Variants in COL7A1 observed in about 807,000 individuals in gnomAD.
COL7A1 encodes collagen type VII alpha 1 chain.
A neutral mutation model predicts 456.2 loss-of-function variants in COL7A1; 296 were observed. That is an observed-to-expected ratio of 0.65 (90% CI 0.59 to 0.71). The LOEUF (loss-of-function observed/expected upper bound fraction) is 0.71. COL7A1 is among the 30% of genes least tolerant of loss of function. The probability of loss-of-function intolerance (pLI) is 0.00; values close to 1 mark genes in which losing one functional copy is unlikely to be tolerated. For synonymous variants in COL7A1, 1,464 were observed against 1,525.9 expected, an observed-to-expected ratio of 0.96 and a Z score of 0.95; for missense variants, 3,441 against 4,017.2, an observed-to-expected ratio of 0.86 and a Z score of 3.88.
chr3:48,584,443 C>A, intron 36 of COL7A1, 42 bp downstream of exon 36: 1 of 1,613,312 alleles, frequency 6.2e-7, no homozygotes, highest in East Asian at 2.2e-5. Flanking sequence ...CGTGTTGGTC[C>A]CCCCACTACA....
Position 48,592,730 on chromosome 3 carries a change from C to T in COL7A1, c.847-31G>A. The stretch of plus-strand genomic sequence containing the variant: ...CAGGGCAAGAGGTCACTTTATCTTG[C>T]CCAGCCAAGTCCCCAGCCACCACCT... On this transcript the variant is annotated intron_variant, in intron 7 of 118. Coordinates refer to ENST00000681320, the MANE Select transcript of COL7A1 (RefSeq NM_000094.4). The surrounding 1 kb of genome is among the most constrained non-coding windows in gnomAD (Gnocchi z 7.6). 1.9e-6 allele frequency: 3 copies of T among 1,613,272 alleles called. No homozygotes were observed. Among genetic ancestry groups the T allele is most frequent in the Non-Finnish European group, 2.5e-6 (3 of 1,180,044 alleles).
Position 48,593,610 on chromosome 3 carries a change from C to A in COL7A1, c.353G>T (p.Arg118Leu). The A allele has an allele frequency of 3.1e-6, 5 of 1,614,170 alleles. No homozygotes were observed. Among genetic ancestry groups the A allele is most frequent in the Non-Finnish European group, 3.4e-6 (4 of 1,180,016 alleles). The change falls in exon 4 of 119, where the codon CGC (arginine) becomes CTC (leucine). Residue 118 changes from arginine to leucine, a missense_variant. By Grantham distance (102) the Arg-to-Leu change is moderately radical (BLOSUM62 -2). Around this residue, in one of 3 missense-constraint regions of COL7A1, gnomAD observed 913 missense variants for 1,088.2 expected, o/e 0.84. Transcript: ENST00000681320. The surrounding 1 kb of genome is among the most constrained non-coding windows in gnomAD (Gnocchi z 4.4). ...RELSYKGGNT[R>L]TGAAILHVAD... Reference sequence around the variant, plus strand: ...CACATGGAGAATTGCAGCCCCTGTGCGAGTGTTGCCCCCCTTGTAGCTAAG... The same window carrying A: ...CACATGGAGAATTGCAGCCCCTGTGAGAGTGTTGCCCCCCTTGTAGCTAAG...
rs780155029 is a variant in COL7A1, at chr3:48,572,344, C to T, written c.6978+36G>A. The T allele has an allele frequency of 6.2e-7, 1 of 1,614,106 alleles. No homozygotes were observed. Among genetic ancestry groups the T allele is most frequent in the Admixed American group, 1.7e-5 (1 of 60,016 alleles). ...AGTTAGGCCACTGGAGAGACAGGAC[C>T]CCCAGAACATCTGCTGTCAGAAGTT... is the stretch of plus-strand genomic sequence containing the variant. On this transcript the variant is annotated intron_variant, in intron 90 of 118. Coordinates refer to ENST00000681320, the MANE Select transcript of COL7A1 (RefSeq NM_000094.4). The surrounding 1 kb of genome is among the most constrained non-coding windows in gnomAD (Gnocchi z 4.6).
Position 48,585,181 on chromosome 3 carries a change from G to C in COL7A1, c.3895-65C>G. 1 of 1,531,526 alleles carries C rather than the reference G, an allele frequency of 6.5e-7. No individual in the cohort carries two copies. The highest frequency in any genetic ancestry group is 1.1e-5 in the South Asian group (1 of 87,440). 94.9% of individuals were successfully genotyped at this position (1,531,526 alleles called of 1,614,324 possible). A position where few individuals can be genotyped will look rare whatever the true frequency, so the allele number is the denominator to read the frequency against. ...CCCAAGGCCCCTGGTTTGCTGGAGGGGCCTCACCCCATCAACAAGGGGTCG... is the reference window on the plus strand; with the variant it reads ...CCCAAGGCCCCTGGTTTGCTGGAGGCGCCTCACCCCATCAACAAGGGGTCG... On this transcript the variant is annotated intron_variant, in intron 32 of 118. Transcript: ENST00000681320. The surrounding 1 kb of genome is among the most constrained non-coding windows in gnomAD (Gnocchi z 4.5).
chr3:48,592,949 G>C lies in COL7A1; in HGVS notation c.683-11C>G. ...AGGTCGAGTCATCCGCTGGGAATGC[G>C]GGATCAGGGGATCAGGCAGGAGGAT... On this transcript the variant is annotated splice_polypyrimidine_tract_variant and intron_variant, in intron 6 of 118. Coordinates refer to ENST00000681320, the MANE Select transcript of COL7A1 (RefSeq NM_000094.4). The surrounding 1 kb of genome is among the most constrained non-coding windows in gnomAD (Gnocchi z 7.6). 6.2e-7 allele frequency: 1 copy of C among 1,613,292 alleles called. No individual in the cohort carries two copies. The highest frequency in any genetic ancestry group is 8.5e-7 in the Non-Finnish European group (1 of 1,179,882).
chr3:48,573,372 T>G lies in COL7A1; in HGVS notation c.6619-24A>C. On this transcript the variant is annotated intron_variant, in intron 83 of 118. Coordinates refer to ENST00000681320, the MANE Select transcript of COL7A1 (RefSeq NM_000094.4). The surrounding 1 kb of genome is among the most constrained non-coding windows in gnomAD (Gnocchi z 5.5). ...CCCTGCAAACAACCCAGAGACTGCA[T>G]GAGCAGAGCCCACGTGGCCAGGGCT... 4 of 1,613,994 alleles carry G rather than the reference T, an allele frequency of 2.5e-6. No individual in the cohort carries two copies. The highest frequency in any genetic ancestry group is 2.7e-5 in the African/African-American group (2 of 75,022).
In COL7A1 at chr3:48,579,804, C is replaced by G; in HGVS notation, c.5135G>C (p.Gly1712Ala). ...PGPPGRLVDT[G>A]PGAREKGEPG... is the part of the protein sequence containing the mutation. ...TAATACCTTCTCTCTGGCTCCAGGT[C>G]CTGTGTCTACCTGTGGGGGGAATGA... Residue 1712 changes from glycine (G) to alanine (A), a missense_variant, in exon 58 of 119, where the codon GGA becomes GCA. Physicochemically the swap from Gly to Ala is moderately conservative, Grantham distance 60 (BLOSUM62 0). This residue lies in a region of COL7A1 where 2,084 missense variants were observed against 2,501.3 expected (regional missense o/e 0.83). Transcript: ENST00000681320. The surrounding 1 kb of genome is among the most constrained non-coding windows in gnomAD (Gnocchi z 4.4). 6.2e-7 allele frequency: 1 copy of G among 1,614,076 alleles called. No homozygotes were observed. Among genetic ancestry groups the G allele is most frequent in the Non-Finnish European group, 8.5e-7 (1 of 1,180,014 alleles).
In COL7A1 at chr3:48,580,607, C is replaced by T. The variant is rs2107706791; in HGVS notation, c.5026G>A (p.Gly1676Arg). 6.2e-7 allele frequency: 1 copy of T among 1,613,904 alleles called. No individual in the cohort carries two copies. Among genetic ancestry groups the T allele is most frequent in the Non-Finnish European group, 8.5e-7 (1 of 1,179,948 alleles). ...RGPVGEKGDQ[G>R]DPGEDGRNGS... is the part of the protein sequence containing the mutation. ...TTTCGTCCATCCTCTCCAGGATCTCCCTGGTCTCCCTTTTCACCCACAGGC... is the reference window on the plus strand; with the variant it reads ...TTTCGTCCATCCTCTCCAGGATCTCTCTGGTCTCCCTTTTCACCCACAGGC... The change falls in exon 55 of 119, where the codon GGA (glycine) becomes AGA (arginine). Residue 1676 changes from glycine to arginine, a missense_variant. This residue lies in a region of COL7A1 where 2,084 missense variants were observed against 2,501.3 expected (regional missense o/e 0.83). Coordinates refer to ENST00000681320, the MANE Select transcript of COL7A1 (RefSeq NM_000094.4). This position sits in a 1 kb window ranked among gnomAD's most constrained non-coding sequence, Gnocchi z 4.5.
In COL7A1 at chr3:48,581,707, C is replaced by T. The variant is rs550333338; in HGVS notation, c.4721G>A (p.Arg1574Gln). ...CCCTAAACACTTCGCTTCACTTACC[C>T]GTTCCCCTTGGACTCCGGTAGCTCC... The part of the protein sequence containing the change: ...PRGATGVQGE[R>Q]GPPGLVLPGD... The change falls in exon 49 of 119, where the codon CGG becomes CAG. Residue 1574 changes from arginine (R) to glutamine (Q), a missense_variant and splice_region_variant. Arg to Gln is a conservative substitution (Grantham distance 43). Transcript: ENST00000681320. This position sits in a 1 kb window ranked among gnomAD's most constrained non-coding sequence, Gnocchi z 5.8. 2.0e-5 allele frequency: 33 copies of T among 1,613,958 alleles called. No individual in the cohort carries two copies. Among genetic ancestry groups the T allele is most frequent in the Non-Finnish European group, 2.5e-5 (30 of 1,180,026 alleles).
In COL7A1 at chr3:48,595,057, C is replaced by T; in HGVS notation, c.85+18G>A. The T allele has an allele frequency of 6.5e-7, 1 of 1,543,440 alleles. No individual in the cohort carries two copies. Among genetic ancestry groups the T allele is most frequent in the Non-Finnish European group, 8.7e-7 (1 of 1,143,162 alleles). ...ACGGTGCAGTGCCCCGGGCCGGGTC[C>T]TCCCTTGCGGTGCCCACCTCTCTCC... On this transcript the variant is annotated intron_variant, in intron 2 of 118. Transcript: ENST00000681320.
At position 48,575,586 on chromosome 3, in the gene COL7A1, C is replaced by G. The variant is rs1335953463; in HGVS notation, c.5979+40G>C. ...TGCTGGTGGCTGTACAGCTACACCC[C>G]ACTCCACGGGGCACAACCCACTGAG... is the stretch of plus-strand genomic sequence containing the variant. On this transcript the variant is annotated intron_variant, in intron 73 of 118. Transcript: ENST00000681320. The surrounding 1 kb of genome is among the most constrained non-coding windows in gnomAD (Gnocchi z 6.3). The G allele has an allele frequency of 6.2e-7, 1 of 1,612,640 alleles. No homozygotes were observed. Among genetic ancestry groups the G allele is most frequent in the Admixed American group, 1.7e-5 (1 of 60,030 alleles).
chr3:48,574,578 C>T lies in COL7A1; in HGVS notation c.6394-28G>A, dbSNP rs1278146686. The stretch of plus-strand genomic sequence containing the variant: ...GAAGGCAGAGTGTCGTGCCCTGAGC[C>T]CCCAGTCCCTGCCACGTGCCCAGGT... On this transcript the variant is annotated intron_variant, in intron 78 of 118. Transcript: ENST00000681320. The surrounding 1 kb of genome is among the most constrained non-coding windows in gnomAD (Gnocchi z 5.0). The T allele has an allele frequency of 6.2e-7, 1 of 1,613,896 alleles. No individual in the cohort carries two copies. Among genetic ancestry groups the T allele is most frequent in the Non-Finnish European group, 8.5e-7 (1 of 1,180,022 alleles).
Position 48,564,966 on chromosome 3 carries a change from G to T in COL7A1, c.8635C>A (p.Pro2879Thr). 8 of 1,614,182 alleles carry T rather than the reference G, an allele frequency of 5.0e-6. No individual in the cohort carries two copies. Among genetic ancestry groups the T allele is most frequent in the Non-Finnish European group, 6.8e-6 (8 of 1,180,018 alleles). ...GCAGTGCAGGAGCCCTCATCCAGTG[G>T]CAGGGAACAGGGGTCTGGGCCAATG... ...PWDSDDPCSL[P>T]LDEGSCTAYT... Residue 2879 changes from proline (P) to threonine (T), a missense_variant, in exon 118 of 119, where the codon CCA (proline) becomes ACA (threonine). By Grantham distance (38) the Pro-to-Thr change is conservative (BLOSUM62 -1). Coordinates refer to ENST00000681320, the MANE Select transcript of COL7A1 (RefSeq NM_000094.4). The surrounding 1 kb of genome is among the most constrained non-coding windows in gnomAD (Gnocchi z 6.0).
Position 48,564,275 on chromosome 3 carries a change from C to G in COL7A1, c.*131G>C. ...AGGCTAGACCCACGGGACCAAGTCA[C>G]TGAAATAACGGACGTGCACACGCAC... is the stretch of plus-strand genomic sequence containing the variant. On this transcript the variant is annotated 3_prime_UTR_variant, in exon 119 of 119. Transcript: ENST00000681320. The surrounding 1 kb of genome is among the most constrained non-coding windows in gnomAD (Gnocchi z 6.0). 1.7e-6 allele frequency: 2 copies of G among 1,157,932 alleles called. No homozygotes were observed. The highest frequency in any genetic ancestry group is 2.6e-5 in the South Asian group (2 of 78,364). The allele number at this position is 1,157,932 out of a possible 1,614,324, so 71.7% of individuals were successfully genotyped here.
chr3:48,591,458 C>T lies in COL7A1; in HGVS notation c.1636+6G>A. 1.9e-6 allele frequency: 3 copies of T among 1,613,010 alleles called. No individual in the cohort carries two copies. Among genetic ancestry groups the T allele is most frequent in the Non-Finnish European group, 2.5e-6 (3 of 1,179,486 alleles). On this transcript the variant is annotated splice_donor_region_variant and intron_variant, in intron 13 of 118. Transcript: ENST00000681320. The surrounding 1 kb of genome is among the most constrained non-coding windows in gnomAD (Gnocchi z 7.0). The stretch of plus-strand genomic sequence containing the variant: ...GTGGTGGGGGTGCTGGCTGCGTCCA[C>T]CTCACCCTGGGTGCTGCGCACAATG...
At position 48,594,819 on chromosome 3, in the gene COL7A1, G is replaced by A. The variant is rs1244026650; in HGVS notation, c.85+256C>T. 6.6e-6 allele frequency among the ~76,000 whole-genome samples: 1 copy of A among 152,194 alleles called. No homozygotes were observed. Among genetic ancestry groups the A allele is most frequent in the Non-Finnish European group, 1.5e-5 (1 of 68,030 alleles). Reference sequence around the variant, plus strand: ...GACTGAGGTCAGCCTCTAGGGGCCGGCGTGGATTGGCATAAGGCAGGGGAC... The same window carrying A: ...GACTGAGGTCAGCCTCTAGGGGCCGACGTGGATTGGCATAAGGCAGGGGAC... On this transcript the variant is annotated intron_variant, in intron 2 of 118. Coordinates refer to ENST00000681320, the MANE Select transcript of COL7A1 (RefSeq NM_000094.4). The surrounding 1 kb of genome is among the most constrained non-coding windows in gnomAD (Gnocchi z 5.5).
At position 48,589,336 on chromosome 3, in the gene COL7A1, C is replaced by A. The variant is rs1424775807; in HGVS notation, c.2305G>T (p.Val769Leu). 2 of 1,612,826 alleles carry A rather than the reference C, an allele frequency of 1.2e-6. No homozygotes were observed. Among genetic ancestry groups the A allele is most frequent in the Non-Finnish European group, 1.7e-6 (2 of 1,179,978 alleles). ...GVDGPPASVV[V>L]RTAPEPVGRV... The stretch of plus-strand genomic sequence containing the variant: ...GCCAGGGTCCACTCACCAGTCCTCA[C>A]AACCACAGAGGCAGGGGGCCCATCC... The change falls in exon 18 of 119, where the codon GTG becomes TTG. Residue 769 changes from valine to leucine, a missense_variant. Val to Leu is a conservative substitution (Grantham distance 32). Transcript: ENST00000681320.
Position 48,592,248 on chromosome 3 carries a change from C to T in COL7A1, c.1094G>A (p.Gly365Asp), listed in dbSNP as rs2045756957. The change falls in exon 10 of 119, where the codon GGT becomes GAT. Residue 365 changes from glycine (G) to aspartate (D), a missense_variant and splice_region_variant. Gly to Asp is a moderately conservative substitution (Grantham distance 94). Coordinates refer to ENST00000681320, the MANE Select transcript of COL7A1 (RefSeq NM_000094.4). The surrounding 1 kb of genome is among the most constrained non-coding windows in gnomAD (Gnocchi z 7.6). ...CAGCTCCTGCTGCTGTGTGGGCCCA[C>T]CTGCATGGGGGACACCAAGGGGCCA... ...GYRVTWRVLS[G>D]GPTQQQELGP... 1.9e-6 allele frequency: 3 copies of T among 1,613,682 alleles called. No homozygotes were observed. The highest frequency in any genetic ancestry group is 1.3e-5 in the African/African-American group (1 of 74,876).
In COL7A1 at chr3:48,565,193, G is replaced by A. The variant is rs750604521; in HGVS notation, c.8536C>T (p.Pro2846Ser). 16 of 1,613,476 alleles carry A rather than the reference G, an allele frequency of 9.9e-6. No individual in the cohort carries two copies. Among genetic ancestry groups the A allele is most frequent in the Admixed American group, 3.3e-5 (2 of 59,958 alleles). ...TCAGAGTACTCATCATCCTCAGGGG[G>A]TACCCGCTCTGCAGGTAGGGCAGGG... ...VSHAEEEERV[P>S]PEDDEYSEYS... The change falls in exon 117 of 119, where the codon CCC becomes TCC. Residue 2846 changes from proline (P) to serine (S), a missense_variant. Physicochemically the swap from Pro to Ser is moderately conservative, Grantham distance 74 (BLOSUM62 -1). This residue lies in a region of COL7A1 where 2,084 missense variants were observed against 2,501.3 expected (regional missense o/e 0.83). Coordinates refer to ENST00000681320, the MANE Select transcript of COL7A1 (RefSeq NM_000094.4). This position sits in a 1 kb window ranked among gnomAD's most constrained non-coding sequence, Gnocchi z 4.5.
Sources: allele counts gnomAD v4.1 joint callset (sites outside exome capture counted in the v4.1 genomes callset), GRCh38; gene constraint gnomAD v4.1.1; regional missense constraint gnomAD v4.1.1; non-coding constraint Gnocchi (gnomAD v3.1); transcripts MANE v1.5; gene names NCBI Gene and HGNC (gene_info 2026-07-23, HGNC 2026-07-21).